The following NUP205 variants were observed in gnomAD, a reference collection of about 807,000 sequenced individuals.
NUP205 encodes the protein nuclear pore complex protein Nup205.
A neutral mutation model predicts 253.8 loss-of-function variants in NUP205; 76 were observed. The observed-to-expected ratio is 0.30, with a 90% CI of 0.25 to 0.36. The LOEUF (loss-of-function observed/expected upper bound fraction) is 0.36, where lower values mean the gene tolerates loss of function less well. Among genes scored for constraint, NUP205 ranks in the 10% least tolerant of loss-of-function variants. NUP205 has a pLI of 1.00. For synonymous variants in NUP205, 832 were observed against 850.1 expected (o/e 0.98, Z 0.37); for missense variants, 2,162 against 2,425.5 (o/e 0.89, Z 2.28).
Position 135,622,899 on chromosome 7 carries a change from G to A in NUP205, c.4453G>A (p.Ala1485Thr). The change falls in exon 31 of 43, where the codon GCT (alanine) becomes ACT (threonine). Residue 1485 changes from alanine (A) to threonine (T), a missense_variant. Physicochemically the swap from Ala to Thr is moderately conservative, Grantham distance 58. This residue lies in a region of NUP205 where 1,144 missense variants were observed against 1,280.9 expected (regional missense o/e 0.89). Transcript: ENST00000285968. ...CCTCATGGAAGTGGTCTGTCGAGAT[G>A]CTTGTGATGGTCATGAGATTGGAAG... The part of the protein sequence containing the change: ...AALMEVVCRD[A>T]CDGHEIGRML... 6.2e-7 allele frequency: 1 copy of A among 1,614,126 alleles called. No homozygotes were observed. The highest frequency in any genetic ancestry group is 8.5e-7 in the Non-Finnish European group (1 of 1,180,014).
chr7:135,617,738 T>G, intron 27 of NUP205, 56 bp downstream of exon 27: 1 of 1,117,546 alleles, frequency 8.9e-7, no homozygotes. Context: ...AGGTTGCTGG[T>G]GAAAAGACTA....
At chr7:135,558,265 A>G (rs796069583) in intron 1 of NUP205, 7 of 448,534 alleles carry the variant, frequency 1.6e-5, no homozygotes, top group African/African-American at 3.9e-5. Context: ...CTCACCCCCA[A>G]GTTTCACTGT....
chr7:135,643,578 T>C (rs935898550), intron 39 of NUP205, among the ~76,000 whole-genome samples: 3 of 152,216 alleles, frequency 2.0e-5, no homozygotes, highest in South Asian at 2.1e-4. Context: ...TTCAAGAAAA[T>C]AGAAAGGCAG....
chr7:135,570,748 A>ATATTTATAT (rs2129489702), intron 1 of NUP205, among the ~76,000 whole-genome samples: 2 of 91,452 alleles, frequency 2.2e-5, no homozygotes, highest in South Asian at 6.1e-4. Context: ...TTAATATATT[A>ATATTTATAT]ATTATATTTA....
At chr7:135,634,743 A>G (rs1173623485) in intron 35 of NUP205, among the ~76,000 whole-genome samples, 1 of 152,142 alleles carries the variant, frequency 6.6e-6, no homozygotes, top group African/African-American at 2.4e-5. Flanking sequence ...GCGGTGAGGC[A>G]CGGATAGAGG....
chr7:135,624,856 ATTTCT>A (rs1794551810), intron 31 of NUP205, among the ~76,000 whole-genome samples: 1 of 152,210 alleles, frequency 6.6e-6, no homozygotes, highest in African/African-American at 2.4e-5. Flanking sequence ...TGTTAAAAAA[ATTTCT>A]TTTCTCTAAC....
chr7:135,628,503 C>T (rs73725433), intron 34 of NUP205, among the ~76,000 whole-genome samples: 30,552 of 151,936 alleles, frequency 0.2, 3,162 homozygotes, highest in South Asian at 0.31. Flanking sequence ...CCCAGCACTT[C>T]GGGAGACTGA....
chr7:135,609,679 C>T (rs1404406959), intron 22 of NUP205, among the ~76,000 whole-genome samples: 2 of 152,020 alleles, frequency 1.3e-5, no homozygotes, highest in Non-Finnish European at 2.9e-5. Flanking sequence ...TCACTAACCT[C>T]TTAGTGTTAC....
At chr7:135,578,415 A>G (rs1304620535) in intron 6 of NUP205, among the ~76,000 whole-genome samples, 1 of 152,200 alleles carries the variant, frequency 6.6e-6, no homozygotes, top group African/African-American at 2.4e-5. Context: ...AGTAAATAAA[A>G]TTTTTGTGAT....
At chr7:135,567,408 T>C (rs1208488559) in intron 1 of NUP205, among the ~76,000 whole-genome samples, 1 of 114,024 alleles carries the variant, frequency 8.8e-6, no homozygotes, top group African/African-American at 3.5e-5. Flanking sequence ...GACAACATGG[T>C]GAAACCCTGT....
intron 4 of NUP205, 89 bp downstream of exon 4, chr7:135,576,503 A>G: frequency 1.8e-6 from 2 of 1,133,934 alleles, no homozygotes; most frequent in Non-Finnish European, 2.6e-6. Flanking sequence ...TCTGAGCAAT[A>G]TGTAACATAA....
At chr7:135,638,084 G>A in intron 37 of NUP205, 25 bp downstream of exon 37, 1 of 1,600,232 alleles carries the variant, frequency 6.2e-7, no homozygotes, top group African/African-American at 1.4e-5. Context: ...ACTTCTCTAA[G>A]GTTTTTATGT....
rs1021296189 is a variant in NUP205, at chr7:135,609,479, G to GA, written c.3195+2119dup. On this transcript the variant is annotated intron_variant, in intron 22 of 42. Transcript: ENST00000285968. Reference sequence around the variant, plus strand: ...GGCGACAGAGCGAAACTCTGTCCCAGAAAAAAAAAAATACAAAAATTATCC... The same window carrying GA: ...GGCGACAGAGCGAAACTCTGTCCCAGAAAAAAAAAAAATACAAAAATTATCC... Among the ~76,000 whole-genome samples, 356 of 135,238 alleles carry GA rather than the reference G, an allele frequency of 2.6e-3. 2 individuals are homozygous for GA. Among genetic ancestry groups the GA allele is most frequent in the African/African-American group, 6.9e-3 (251 of 36,482 alleles). 88.7% of individuals were successfully genotyped at this position (135,238 alleles called of 152,430 possible).
intron 41 of NUP205, 94 bp downstream of exon 41, chr7:135,645,690 C>T (rs1794994129): frequency 2.3e-6 from 3 of 1,276,954 alleles, no homozygotes; most frequent in Non-Finnish European, 3.3e-6. Flanking sequence ...TTCCAGATTA[C>T]TTAGAGTGAA....
chr7:135,573,450 T>C (rs979327707), intron 2 of NUP205, among the ~76,000 whole-genome samples: 4 of 152,190 alleles, frequency 2.6e-5, no homozygotes, highest in Non-Finnish European at 5.9e-5. Flanking sequence ...GTCACAGTTA[T>C]TGAGAAGGTA....
At chr7:135,563,751 G>C (rs1805662480) in intron 1 of NUP205, among the ~76,000 whole-genome samples, 2 of 152,116 alleles carry the variant, frequency 1.3e-5, no homozygotes, top group Admixed American at 6.5e-5. Context: ...TTAGGAGGCT[G>C]AGGAGGGAGG....
chr7:135,603,004 C>T lies in NUP205; in HGVS notation c.2702+10C>T. 6.3e-7 allele frequency: 1 copy of T among 1,593,762 alleles called. No homozygotes were observed. The highest frequency in any genetic ancestry group is 8.6e-7 in the Non-Finnish European group (1 of 1,165,652). ...TGGTAAACATTGCCAGGTAAGTTAC[C>T]TTTGTAGGTAGAGAAATGAAGTAAA... is the stretch of plus-strand genomic sequence containing the variant. On this transcript the variant is annotated intron_variant, in intron 18 of 42. Transcript: ENST00000285968.
intron 3 of NUP205, among the ~76,000 whole-genome samples, chr7:135,575,033 A>G (rs1163186898): frequency 6.6e-6 from 1 of 152,224 alleles, no homozygotes; most frequent in Non-Finnish European, 1.5e-5. Flanking sequence ...CATTTCTTCT[A>G]TACCTACCAT....
Position 135,638,549 on chromosome 7 carries a change from G to T in NUP205, c.5266-8G>T. On this transcript the variant is annotated splice_region_variant and splice_polypyrimidine_tract_variant and intron_variant, in intron 37 of 42. Coordinates refer to ENST00000285968, the MANE Select transcript of NUP205 (RefSeq NM_015135.3). ...CTTAACATTTTTGTTACTGTTTTTT[G>T]ATTATAGATTTGTGCCAATGTAATG... 1 of 1,608,534 alleles carries T rather than the reference G, an allele frequency of 6.2e-7. No individual in the cohort carries two copies.
Sources: allele counts gnomAD v4.1 joint callset (sites outside exome capture counted in the v4.1 genomes callset), GRCh38; gene constraint gnomAD v4.1.1; regional missense constraint gnomAD v4.1.1; transcripts MANE v1.5; gene names NCBI Gene and HGNC (gene_info 2026-07-23, HGNC 2026-07-21).